OPCML: variants seen among roughly 807,000 people sequenced by gnomAD.
OPCML encodes the protein opioid binding protein/cell adhesion molecule like.
OPCML carries 13 observed loss-of-function variants against 37.8 expected under a neutral mutation model. That is an observed-to-expected ratio of 0.34 (90% CI 0.22 to 0.55). The LOEUF (loss-of-function observed/expected upper bound fraction) is 0.55. OPCML is among the 20% of genes least tolerant of loss of function. The probability of loss-of-function intolerance (pLI) is 0.91; values close to 1 mark genes in which losing one functional copy is unlikely to be tolerated. For missense variants in OPCML, 341 were observed against 435.6 expected (o/e 0.78, Z 1.93); for synonymous variants, 176 against 168.8 (o/e 1.04, Z -0.33).
intron 4 of OPCML, among the ~76,000 whole-genome samples, chr11:132,492,656 C>T (rs1002187778): frequency 1.4e-4 from 22 of 152,178 alleles, no homozygotes; most frequent in African/African-American, 5.3e-4. Flanking sequence ...ATCAAGCAGG[C>T]AGTTGAATCT....
chr11:132,545,209 G>T (rs190999461), intron 3 of OPCML, among the ~76,000 whole-genome samples: 1 of 152,232 alleles, frequency 6.6e-6, no homozygotes, highest in East Asian at 1.9e-4. Flanking sequence ...TAGTGGTAAT[G>T]TCACTACACT....
intron 1 of OPCML, chr11:133,298,741 C>T (rs1337536751): frequency 6.6e-6 from 1 of 152,156 alleles, no homozygotes; most frequent in Non-Finnish European, 1.5e-5. Flanking sequence ...TTGTTGTCTC[C>T]CAGTAGCCCC....
At chr11:133,084,694 T>A (rs1010096338) in intron 1 of OPCML, among the ~76,000 whole-genome samples, 4 of 152,352 alleles carry the variant, frequency 2.6e-5, no homozygotes, top group Admixed American at 2.6e-4. Flanking sequence ...GCTCTCTTGC[T>A]CAGCCTCATG....
intron 1 of OPCML, among the ~76,000 whole-genome samples, chr11:133,470,673 A>G (rs1947086390): frequency 6.6e-6 from 1 of 152,254 alleles, no homozygotes; most frequent in Non-Finnish European, 1.5e-5. Context: ...TCTGACCACA[A>G]GAGCTGATCT....
intron 2 of OPCML, among the ~76,000 whole-genome samples, chr11:132,932,068 G>T (rs1945222994): frequency 6.6e-6 from 1 of 152,078 alleles, no homozygotes; most frequent in African/African-American, 2.4e-5. Flanking sequence ...TACCTAGTGT[G>T]GTCAAAACAT....
rs566769666 is a variant in OPCML at position 132,436,080 on chromosome 11, A to G, written c.916+6T>C. ...AGCCCACTGCATCCAGGCTTCCAGC[A>G]CTCACCATACAATGTGATGCTGGCA... On this transcript the variant is annotated splice_donor_region_variant and intron_variant, in intron 7 of 7. Transcript: ENST00000524381. The G allele has an allele frequency of 2.4e-5, 38 of 1,612,098 alleles. No homozygotes were observed. In the South Asian group the frequency reaches 4.2e-4, roughly 18 times the overall value.
intron 3 of OPCML, among the ~76,000 whole-genome samples, chr11:132,596,201 T>C (rs2096492168): frequency 6.6e-6 from 1 of 152,188 alleles, no homozygotes; most frequent in Non-Finnish European, 1.5e-5. Flanking sequence ...GACACAAAGT[T>C]AAATAATCAA....
chr11:133,093,524 G>T (rs1948946937), intron 1 of OPCML, among the ~76,000 whole-genome samples: 1 of 152,118 alleles, frequency 6.6e-6, no homozygotes, highest in African/African-American at 2.4e-5. Context: ...GGTAATTTAT[G>T]ATTAGAATTC....
At chr11:133,065,316 G>A (rs1948423831) in intron 1 of OPCML, 1 of 152,248 alleles carries the variant, frequency 6.6e-6, no homozygotes, top group Non-Finnish European at 1.5e-5. Context: ...CATGGCTCCA[G>A]AAGGGGTGCC....
At chr11:133,171,112 G>T (rs1350556054) in intron 1 of OPCML, among the ~76,000 whole-genome samples, 1 of 152,188 alleles carries the variant, frequency 6.6e-6, no homozygotes, top group African/African-American at 2.4e-5. Flanking sequence ...GAGATTTCAG[G>T]GAGTGAGGCT....
chr11:133,258,479 T>G (rs1941388371), intron 1 of OPCML, among the ~76,000 whole-genome samples: 1 of 152,138 alleles, frequency 6.6e-6, no homozygotes, highest in African/African-American at 2.4e-5. Flanking sequence ...TTCATCACCT[T>G]AGGGCGTGGC....
chr11:132,598,064 C>A (rs140802573), intron 3 of OPCML, among the ~76,000 whole-genome samples: 1 of 152,072 alleles, frequency 6.6e-6, no homozygotes, highest in East Asian at 1.9e-4. Flanking sequence ...TTCATAGTTC[C>A]GTTCTTTCTC....
intron 3 of OPCML, among the ~76,000 whole-genome samples, chr11:132,592,028 C>A (rs1206725891): frequency 6.6e-6 from 1 of 152,074 alleles, no homozygotes; most frequent in Non-Finnish European, 1.5e-5. Flanking sequence ...AGGCAAGTGT[C>A]CTTAATAGTA....
chr11:132,744,960 A>C (rs1945564965), intron 2 of OPCML, among the ~76,000 whole-genome samples: 1 of 151,856 alleles, frequency 6.6e-6, no homozygotes, highest in Non-Finnish European at 1.5e-5. Flanking sequence ...GAAGTGAACG[A>C]GCTCCTAAAT....
chr11:133,048,932 ATTACT>A (rs1392203936), intron 1 of OPCML, among the ~76,000 whole-genome samples: 2 of 152,226 alleles, frequency 1.3e-5, no homozygotes, highest in Non-Finnish European at 2.9e-5. Context: ...TCTAGTCAAT[ATTACT>A]TTACAAAAGC....
Position 133,211,998 on chromosome 11 carries a change from T to G in OPCML, c.62-268988A>C, listed in dbSNP as rs1190159848. 1.3e-5 allele frequency among the ~76,000 whole-genome samples: 2 copies of G among 152,128 alleles called. No homozygotes were observed. The highest frequency in any genetic ancestry group is 2.9e-5 in the Non-Finnish European group (2 of 68,030). On this transcript the variant is annotated intron_variant, in intron 1 of 7. Transcript: ENST00000524381. The surrounding 1 kb of genome is among the most constrained non-coding windows in gnomAD (Gnocchi z 4.1). ...GCTGTCAGATGGCAAGCCTAGTGCATACAGCCTGATAGCAGATTGACCGTG... is the reference window on the plus strand; with the variant it reads ...GCTGTCAGATGGCAAGCCTAGTGCAGACAGCCTGATAGCAGATTGACCGTG...
intron 1 of OPCML, among the ~76,000 whole-genome samples, chr11:133,194,020 G>T (rs1023973159): frequency 8.5e-5 from 13 of 152,092 alleles, no homozygotes; most frequent in South Asian, 4.2e-4. Context: ...TCAGCAACAG[G>T]CTCTGTCCTA....
intron 1 of OPCML, among the ~76,000 whole-genome samples, chr11:133,530,144 C>T (rs373619498): frequency 1.3e-5 from 2 of 152,298 alleles, no homozygotes; most frequent in African/African-American, 2.4e-5. Flanking sequence ...ATGCTCAGGA[C>T]GGTCAGGCAG....
intron 1 of OPCML, among the ~76,000 whole-genome samples, chr11:133,312,826 A>C (rs1455623492): frequency 6.6e-6 from 1 of 152,238 alleles, no homozygotes; most frequent in Non-Finnish European, 1.5e-5. Flanking sequence ...ACAGTCATTT[A>C]ACTTCTTTAA....
Sources: gnomAD v4.1 joint callset for allele counts (sites outside exome capture counted in the v4.1 genomes callset) on GRCh38, gnomAD v4.1.1 for gene constraint, Gnocchi (gnomAD v3.1) non-coding constraint, MANE v1.5 for transcripts, NCBI Gene and HGNC (gene_info 2026-07-23, HGNC 2026-07-21) for gene names.